Variants in HHLA2 observed in about 807,000 individuals in gnomAD.
HHLA2 encodes HHLA2 member of B7 family.
A neutral mutation model predicts 45.9 loss-of-function variants in HHLA2; 48 were observed. The observed-to-expected ratio is 1.05, with a 90% CI of 0.83 to 1.33. The LOEUF is 1.33. HHLA2 is among the 40% of genes most tolerant of loss of function. HHLA2 has a pLI of 0.00. For missense variants in HHLA2, 462 were observed against 494.3 expected, an observed-to-expected ratio of 0.93 and a Z score of 0.62; for synonymous variants, 161 against 173.9, an observed-to-expected ratio of 0.93 and a Z score of 0.59.
intron 3 of HHLA2, among the ~76,000 whole-genome samples, chr3:108,345,645 C>T (rs1049032338): frequency 1.3e-5 from 2 of 152,160 alleles, no homozygotes; most frequent in South Asian, 2.1e-4. Flanking sequence ...TGCCTTCCTC[C>T]TTGGGAAGTG....
rs1006610680 is a variant in HHLA2, at chr3:108,307,620, G to A, written c.-191-3035G>A. On this transcript the variant is annotated intron_variant, in intron 1 of 10. Coordinates refer to ENST00000619531, the Ensembl canonical transcript of HHLA2. The stretch of plus-strand genomic sequence containing the variant: ...CTGCACTTCAGTCTGGGCAATAAGA[G>A]TGAAACTCTGTCTCAAAAAAAAAAA... Among the ~76,000 whole-genome samples the A allele has an allele frequency of 3.3e-5, 5 of 150,218 alleles. No homozygotes were observed. In the South Asian group the frequency reaches 1.1e-3, roughly 32 times the overall value.
Position 108,334,578 on chromosome 3 carries a change from T to G in HHLA2, c.-27+6231T>G, listed in dbSNP as rs1337629482. ...TTCAGAAAGTTGCCAAGGATAGACA[T>G]CCATCCCTATTATATACTCAGAGAC... is the stretch of plus-strand genomic sequence containing the variant. On this transcript the variant is annotated intron_variant, in intron 3 of 10. Transcript: ENST00000619531. Among the ~76,000 whole-genome samples, 62 of 152,212 alleles carry G rather than the reference T, an allele frequency of 4.1e-4. 2 individuals carry two copies. Among genetic ancestry groups the G allele is most frequent in the Non-Finnish European group, 2.9e-5 (2 of 68,042 alleles).
chr3:108,340,119 G>A (rs569661271), intron 3 of HHLA2, among the ~76,000 whole-genome samples: 32 of 152,188 alleles, frequency 2.1e-4, no homozygotes, highest in South Asian at 4.2e-4. Flanking sequence ...AGGGCCAGGC[G>A]GATTAGAAGG....
chr3:108,370,680 T>G (rs950047903), intron 8 of HHLA2, among the ~76,000 whole-genome samples: 2 of 152,056 alleles, frequency 1.3e-5, no homozygotes, highest in Non-Finnish European at 2.9e-5. Flanking sequence ...CATGACGAAT[T>G]CACAAGCCTC....
chr3:108,351,976 C>G, intron 4 of HHLA2, 99 bp downstream of exon 3: 2 of 734,704 alleles, frequency 2.7e-6, no homozygotes, highest in Non-Finnish European at 4.7e-6. Flanking sequence ...GCCACAGCAT[C>G]GTGAACTTTC....
chr3:108,336,853 A>C (rs1394174415), intron 3 of HHLA2, among the ~76,000 whole-genome samples: 1 of 152,050 alleles, frequency 6.6e-6, no homozygotes, highest in Non-Finnish European at 1.5e-5. Flanking sequence ...CATTATGGGT[A>C]ATATCAAAGA....
At position 108,322,287 on chromosome 3, in the gene HHLA2, T is replaced by G. The variant is rs557986842; in HGVS notation, c.-104-5983T>G. Among the ~76,000 whole-genome samples the G allele has an allele frequency of 2.6e-5, 4 of 152,342 alleles. No individual in the cohort carries two copies. In the South Asian group the frequency reaches 8.3e-4, roughly 32 times the overall value. ...TAGATATCTGTTTGATAAATTAGTC[T>G]TAACCTCTACCTTAACTCTAATCTG... is the stretch of plus-strand genomic sequence containing the variant. On this transcript the variant is annotated intron_variant, in intron 2 of 10. Transcript: ENST00000619531.
chr3:108,369,315 T>TAGAG (rs1448435307), intron 8 of HHLA2, among the ~76,000 whole-genome samples: 1 of 151,736 alleles, frequency 6.6e-6, no homozygotes, highest in African/African-American at 2.4e-5. Flanking sequence ...TGAAAAAAAC[T>TAGAG]AGAGATTCAC....
chr3:108,372,783 A>G (rs1157609972), intron 8 of HHLA2, among the ~76,000 whole-genome samples: 1 of 152,260 alleles, frequency 6.6e-6, no homozygotes, highest in African/African-American at 2.4e-5. Flanking sequence ...ACCAGGAAGA[A>G]GTTGAATCTC....
intron 8 of HHLA2, 27 bp downstream of exon 7, chr3:108,362,473 C>T (rs1320728494): frequency 1.4e-6 from 2 of 1,394,732 alleles, no homozygotes. Context: ...GGCTCTGCCC[C>T]ACGTGTTCCA....
chr3:108,343,677 T>TCTTTA (rs1391184255), intron 3 of HHLA2, among the ~76,000 whole-genome samples: 1 of 152,234 alleles, frequency 6.6e-6, no homozygotes, highest in Non-Finnish European at 1.5e-5. Context: ...AAGTAGGCGT[T>TCTTTA]CTTTACTTTG....
chr3:108,302,022 G>A (rs1017070916), intron 1 of HHLA2, among the ~76,000 whole-genome samples: 2 of 152,144 alleles, frequency 1.3e-5, no homozygotes, highest in East Asian at 1.9e-4. Context: ...ATATGCTATA[G>A]TTTAGGAAAT....
intron 2 of HHLA2, among the ~76,000 whole-genome samples, chr3:108,321,831 C>T (rs1366703016): frequency 2.0e-5 from 3 of 152,054 alleles, no homozygotes; most frequent in Non-Finnish European, 2.9e-5. Flanking sequence ...TGTCTATTTA[C>T]TGTCTAGGAG....
exon 10 of HHLA2, chr3:108,376,545 C>G: frequency 6.2e-7 from 1 of 1,611,786 alleles, no homozygotes; most frequent in Non-Finnish European, 8.5e-7. Context: ...CCGATAATGG[C>G]GAAGAAAATG....
At chr3:108,351,407 A>G (rs2081775480) in intron 3 of HHLA2, among the ~76,000 whole-genome samples, 1 of 152,200 alleles carries the variant, frequency 6.6e-6, no homozygotes, top group South Asian at 2.1e-4. Context: ...TATTATCCAG[A>G]GAACCACTGT....
intron 2 of HHLA2, among the ~76,000 whole-genome samples, chr3:108,319,522 T>A (rs2081162381): frequency 6.6e-6 from 1 of 152,090 alleles, no homozygotes; most frequent in African/African-American, 2.4e-5. Flanking sequence ...CCCAAAATAA[T>A]ACACACACAC....
intron 6 of HHLA2, among the ~76,000 whole-genome samples, chr3:108,357,177 G>A (rs76481356): frequency 0.016 from 2,408 of 152,242 alleles, 45 homozygotes; most frequent in African/African-American, 0.054. Flanking sequence ...CCTGCAGGTA[G>A]ACTGGAAGCC....
rs1299229320 is a variant in HHLA2, at chr3:108,305,468, C to G, written c.-191-5187C>G. ...AAGAAGATGGGGGGATTCATCTGCC[C>G]AGATCTAGTCGTTCCTGTTGGTTAA... On this transcript the variant is annotated intron_variant, in intron 1 of 10. Transcript: ENST00000619531. Among the ~76,000 whole-genome samples, 4 of 152,298 alleles carry G rather than the reference C, an allele frequency of 2.6e-5. No individual in the cohort carries two copies. In the East Asian group the frequency reaches 7.7e-4, roughly 29 times the overall value.
intron 8 of HHLA2, among the ~76,000 whole-genome samples, chr3:108,374,017 C>A (rs2082228410): frequency 6.6e-6 from 1 of 150,564 alleles, no homozygotes; most frequent in South Asian, 2.1e-4. Flanking sequence ...GCCCGCATTG[C>A]CAAGTCAATC....
Sources: gnomAD v4.1 joint callset for allele counts (sites outside exome capture counted in the v4.1 genomes callset) on GRCh38, gnomAD v4.1.1 for gene constraint, MANE v1.5 for transcripts, NCBI Gene and HGNC (gene_info 2026-07-23, HGNC 2026-07-21) for gene names.